Variants in GAREM1 observed in about 807,000 individuals in gnomAD.
GAREM1 encodes GRB2-associated and regulator of MAPK protein 1.
In GAREM1, 26 loss-of-function variants were observed where a neutral mutation model predicts 71.3. The ratio of observed to expected loss-of-function variants is 0.36; its 90% CI spans 0.27 to 0.51. The LOEUF (loss-of-function observed/expected upper bound fraction) is 0.51, where lower values mean the gene tolerates loss of function less well. Among genes scored for constraint, GAREM1 ranks in the 20% least tolerant of loss-of-function variants. The pLI is 0.95. For missense variants in GAREM1, 1,026 were observed against 1,103.1 expected, an observed-to-expected ratio of 0.93 and a Z score of 0.99; for synonymous variants, 440 against 433.2, an observed-to-expected ratio of 1.02 and a Z score of -0.20.
intron 3 of GAREM1, 149 bp downstream of exon 3, chr18:32,310,044 C>T (rs2047300333): frequency 2.9e-6 from 2 of 693,798 alleles, no homozygotes; most frequent in Admixed American, 2.8e-5. Context: ...AGGTCAGCTA[C>T]AATATATGTG....
At chr18:32,326,941 G>A (rs1192264580) in intron 2 of GAREM1, among the ~76,000 whole-genome samples, 1 of 152,186 alleles carries the variant, frequency 6.6e-6, no homozygotes, top group African/African-American at 2.4e-5. Flanking sequence ...AATGTCTGAT[G>A]GGATAAACAA....
At chr18:32,286,999 T>G (rs1439683781) in intron 4 of GAREM1, 32 bp downstream of exon 4, 2 of 1,455,552 alleles carry the variant, frequency 1.4e-6, no homozygotes, top group East Asian at 4.5e-5. Flanking sequence ...ACAGAAAGAC[T>G]GGCACCGCAT....
chr18:32,396,500 G>A (rs969274920), intron 1 of GAREM1, among the ~76,000 whole-genome samples: 7 of 152,194 alleles, frequency 4.6e-5, no homozygotes, highest in Admixed American at 1.3e-4. Flanking sequence ...CGAGAACTAC[G>A]TGACGAATGC....
rs143992635 is a variant in GAREM1 at position 32,406,219 on chromosome 18, G to A, written c.122-13184C>T. ...TTTTATTTTTCTTTTTTGTAGAGAC[G>A]GGGTTTCACCATGTTGCCCAGGCTG... On this transcript the variant is annotated intron_variant, in intron 1 of 5. Coordinates refer to ENST00000269209, the MANE Select transcript of GAREM1 (RefSeq NM_001242409.2). Among the ~76,000 whole-genome samples the A allele has an allele frequency of 2.2e-3, 337 of 151,784 alleles. 14 individuals carry two copies. The East Asian group carries it at 0.06, about 27-fold the overall frequency.
intron 1 of GAREM1, among the ~76,000 whole-genome samples, chr18:32,441,355 A>G (rs573337209): frequency 6.6e-6 from 1 of 152,302 alleles, no homozygotes; most frequent in East Asian, 1.9e-4. Flanking sequence ...ACAGTATTGA[A>G]CTCAGCTGCG....
rs1279883409 is a variant in GAREM1, at chr18:32,263,656, T to C, written c.*4215A>G. The C allele has an allele frequency of 1.3e-5, 2 of 152,204 alleles. No homozygotes were observed. The highest frequency in any genetic ancestry group is 2.9e-5 in the Non-Finnish European group (2 of 68,036). 9.4% of individuals were successfully genotyped at this position (152,204 alleles called of 1,614,324 possible). A position where few individuals can be genotyped will look rare whatever the true frequency, so the allele number is the denominator to read the frequency against. Reference sequence around the variant, plus strand: ...CATTAGATAACGTTTTGGAAAGTAATGCCATTGTTAACTGGTAGTTAACAA... The same window carrying C: ...CATTAGATAACGTTTTGGAAAGTAACGCCATTGTTAACTGGTAGTTAACAA... On this transcript the variant is annotated 3_prime_UTR_variant, in exon 6 of 6. Coordinates refer to ENST00000269209, the MANE Select transcript of GAREM1 (RefSeq NM_001242409.2).
At chr18:32,328,670 A>G (rs2047496202) in intron 2 of GAREM1, among the ~76,000 whole-genome samples, 1 of 152,208 alleles carries the variant, frequency 6.6e-6, no homozygotes, top group South Asian at 2.1e-4. Context: ...CCACAAGCCA[A>G]CTGGAAAAGA....
At chr18:32,435,863 T>C (rs2048671950) in intron 1 of GAREM1, among the ~76,000 whole-genome samples, 1 of 152,156 alleles carries the variant, frequency 6.6e-6, no homozygotes, top group Non-Finnish European at 1.5e-5. Flanking sequence ...TGGCGCATAA[T>C]CTTAGCTAAT....
chr18:32,282,692 G>C (rs962705753), intron 4 of GAREM1, among the ~76,000 whole-genome samples: 1 of 152,174 alleles, frequency 6.6e-6, no homozygotes, highest in African/African-American at 2.4e-5. Flanking sequence ...TTACAGGTGT[G>C]AGCCACGGTG....
chr18:32,405,356 G>GC (rs58750415), intron 1 of GAREM1, among the ~76,000 whole-genome samples: 20,329 of 151,914 alleles, frequency 0.13, 1,568 homozygotes, highest in African/African-American at 0.21. Context: ...GCACCACCAT[G>GC]CTGGCTAATT....
At chr18:32,421,987 C>CT (rs929056947) in intron 1 of GAREM1, among the ~76,000 whole-genome samples, 11 of 149,128 alleles carry the variant, frequency 7.4e-5, no homozygotes, top group African/African-American at 1.2e-4. Context: ...CTTTCTCCTA[C>CT]TTTTTTTTTT....
intron 1 of GAREM1, among the ~76,000 whole-genome samples, chr18:32,456,043 C>T (rs990356236): frequency 6.6e-6 from 1 of 152,066 alleles, no homozygotes; most frequent in East Asian, 1.9e-4. Flanking sequence ...ATTAACCTTC[C>T]TACAAAATCT....
At chr18:32,371,422 A>G (rs897461241) in intron 2 of GAREM1, among the ~76,000 whole-genome samples, 2 of 152,242 alleles carry the variant, frequency 1.3e-5, no homozygotes, top group Non-Finnish European at 2.9e-5. Context: ...CCTATAAGTG[A>G]AAAATGAAAA....
At chr18:32,343,540 A>C (rs966733189) in intron 2 of GAREM1, among the ~76,000 whole-genome samples, 2 of 152,032 alleles carry the variant, frequency 1.3e-5, no homozygotes, top group African/African-American at 4.8e-5. Context: ...GCCTCGAGTG[A>C]TCTGTCCACC....
chr18:32,286,202 G>A (rs2047015902), intron 4 of GAREM1, among the ~76,000 whole-genome samples: 2 of 152,110 alleles, frequency 1.3e-5, no homozygotes, highest in African/African-American at 2.4e-5. Context: ...TCAAAATAGA[G>A]GGCCCTTTCT....
chr18:32,420,043 GAGA>G (rs2048505429), intron 1 of GAREM1, among the ~76,000 whole-genome samples: 1 of 152,174 alleles, frequency 6.6e-6, no homozygotes, highest in Non-Finnish European at 1.5e-5. Context: ...ACAGGCTCTG[GAGA>G]TAAACAGAAT....
intron 2 of GAREM1, among the ~76,000 whole-genome samples, chr18:32,372,345 G>A (rs139854948): frequency 6.6e-6 from 1 of 152,256 alleles, no homozygotes; most frequent in East Asian, 1.9e-4. Context: ...AAAACCCAAT[G>A]CTTCTATGTG....
intron 1 of GAREM1, among the ~76,000 whole-genome samples, chr18:32,438,199 C>T (rs1465600927): frequency 6.6e-6 from 1 of 152,158 alleles, no homozygotes; most frequent in African/African-American, 2.4e-5. Flanking sequence ...CTACGATATA[C>T]AACTAAATAA....
At chr18:32,358,369 C>G in intron 2 of GAREM1, among the ~76,000 whole-genome samples, 1 of 151,936 alleles carries the variant, frequency 6.6e-6, no homozygotes, top group East Asian at 1.9e-4. Flanking sequence ...TCAAAAGGGG[C>G]CAGATTTTAG....
Sources: gnomAD v4.1 joint callset for allele counts (sites outside exome capture counted in the v4.1 genomes callset) on GRCh38, gnomAD v4.1.1 for gene constraint, MANE v1.5 for transcripts, NCBI Gene and HGNC (gene_info 2026-07-23, HGNC 2026-07-21) for gene names.